Variants in ARID3A observed in about 807,000 individuals in gnomAD.
The protein encoded by ARID3A is AT-rich interactive domain-containing protein 3A.
Under a neutral mutation model 52.7 loss-of-function variants are expected in ARID3A, and 11 were observed. The ratio of observed to expected loss-of-function variants is 0.21; its 90% confidence interval spans 0.13 to 0.35. ARID3A has a LOEUF of 0.35. Among genes scored for constraint, ARID3A ranks in the 10% least tolerant of loss-of-function variants. The pLI is 1.00. For synonymous variants in ARID3A, 404 were observed against 359.4 expected, an observed-to-expected ratio of 1.12 and a Z score of -1.40; for missense variants, 721 against 838.5, an observed-to-expected ratio of 0.86 and a Z score of 1.73.
intron 4 of ARID3A, among the ~76,000 whole-genome samples, chr19:962,391 C>T (rs1267037192): frequency 1.3e-5 from 2 of 152,184 alleles, no homozygotes; most frequent in African/African-American, 2.4e-5. Context: ...CCTCCCCACC[C>T]TTCCTTATCT....
chr19:939,877 G>C (rs1411174500), intron 3 of ARID3A, among the ~76,000 whole-genome samples: 1 of 152,156 alleles, frequency 6.6e-6, no homozygotes, highest in Non-Finnish European at 1.5e-5. Flanking sequence ...AGGGCTCTGG[G>C]AGAATCGGCA....
intron 3 of ARID3A, among the ~76,000 whole-genome samples, chr19:933,856 G>GGGT (rs552866357): frequency 6.3e-4 from 90 of 143,216 alleles, no homozygotes; most frequent in Admixed American, 1.8e-3. Context: ...TGGGGGGGGG[G>GGGT]GGCGTCTCGC....
intron 2 of ARID3A, among the ~76,000 whole-genome samples, chr19:930,700 G>A (rs564814035): frequency 1.5e-4 from 23 of 150,652 alleles, no homozygotes; most frequent in South Asian, 6.3e-4. Flanking sequence ...TAGTAGAGAC[G>A]GGGTTTCACC....
At chr19:940,977 G>A (rs1489254461) in intron 3 of ARID3A, among the ~76,000 whole-genome samples, 1 of 152,128 alleles carries the variant, frequency 6.6e-6, no homozygotes, top group African/African-American at 2.4e-5. Context: ...CGTGCCAGGA[G>A]CGTCGCTGAC....
In ARID3A at chr19:938,850, T is replaced by G. The variant is rs558772506; in HGVS notation, c.693+6108T>G. The stretch of plus-strand genomic sequence containing the variant: ...CCCAGCAAGAAACGGGCATCCGGTT[T>G]TTGGTCTTTTTTTGGTCTTTTCAGC... On this transcript the variant is annotated intron_variant, in intron 3 of 8. Coordinates refer to ENST00000263620, the MANE Select transcript of ARID3A (RefSeq NM_005224.3). The surrounding 1 kb of genome is among the most constrained non-coding windows in gnomAD (Gnocchi z 4.0). Among the ~76,000 whole-genome samples the G allele has an allele frequency of 1.3e-5, 2 of 152,114 alleles. No homozygotes were observed. Among genetic ancestry groups the G allele is most frequent in the Non-Finnish European group, 2.9e-5 (2 of 67,992 alleles).
chr19:934,593 T>C (rs987018809), intron 3 of ARID3A, among the ~76,000 whole-genome samples: 2 of 152,158 alleles, frequency 1.3e-5, no homozygotes, highest in African/African-American at 4.8e-5. Flanking sequence ...GCCCCGCACC[T>C]GCCCCCTGGG....
chr19:965,991 CAAAAAAAAA>C (rs35807859), intron 6 of ARID3A, among the ~76,000 whole-genome samples: 5 of 106,584 alleles, frequency 4.7e-5, no homozygotes, highest in African/African-American at 1.8e-4. Context: ...GACTCCGTGT[CAAAAAAAAA>C]AAAAAAAAAA....
chr19:931,453 A>T (rs1488716876), intron 2 of ARID3A, among the ~76,000 whole-genome samples: 2 of 134,810 alleles, frequency 1.5e-5, no homozygotes, highest in Admixed American at 1.5e-4. Context: ...CTGTGTCTCA[A>T]AAAAAAAAAA....
Position 974,072 on chromosome 19 carries a change from T to TG in ARID3A, c.*2009dup, listed in dbSNP as rs2038334474. The TG allele has an allele frequency of 4.4e-6, 1 of 226,642 alleles. No homozygotes were observed. Among genetic ancestry groups the TG allele is most frequent in the African/African-American group, 2.2e-5 (1 of 44,916 alleles). The allele number at this position is 226,642 out of a possible 1,614,324, so 14.0% of individuals were successfully genotyped here. A position where few individuals can be genotyped will look rare whatever the true frequency, so the allele number is the denominator to read the frequency against. On this transcript the variant is annotated 3_prime_UTR_variant, in exon 9 of 9. Transcript: ENST00000263620. ...CTGTTAGGCCACCGGCATGGGGGCT[T>TG]GGTGAGGAAGGGGACTCCCCAGCTC...
chr19:962,664 G>A (rs915114812), intron 4 of ARID3A, among the ~76,000 whole-genome samples: 2 of 151,968 alleles, frequency 1.3e-5, no homozygotes, highest in Non-Finnish European at 1.5e-5. Context: ...ACAGGCGCCC[G>A]CCACCACGCC....
chr19:964,688 G>T lies in ARID3A; in HGVS notation c.951-145G>T. 1 of 1,377,154 alleles carries T rather than the reference G, an allele frequency of 7.3e-7. No homozygotes were observed. 85.3% of individuals were successfully genotyped at this position (1,377,154 alleles called of 1,614,324 possible). ...ATTGAGATGGAGGGAATGGGCAAAGGCCCAGCAGCTCTGGGGGCTGCTGAG... is the reference window on the plus strand; with the variant it reads ...ATTGAGATGGAGGGAATGGGCAAAGTCCCAGCAGCTCTGGGGGCTGCTGAG... On this transcript the variant is annotated intron_variant, in intron 5 of 8. Coordinates refer to ENST00000263620, the MANE Select transcript of ARID3A (RefSeq NM_005224.3). This position sits in a 1 kb window ranked among gnomAD's most constrained non-coding sequence, Gnocchi z 5.7.
At chr19:932,788 G>A (rs1301626266) in intron 3 of ARID3A, 46 bp downstream of exon 3, 2 of 1,543,938 alleles carry the variant, frequency 1.3e-6, no homozygotes, top group East Asian at 4.9e-5. Context: ...CTGCTCCTGG[G>A]CCAGTGGGGC....
chr19:943,919 C>T (rs370634886), intron 3 of ARID3A, among the ~76,000 whole-genome samples: 212 of 150,780 alleles, frequency 1.4e-3, no homozygotes, highest in African/African-American at 4.9e-3. Flanking sequence ...TGGGCACTTA[C>T]GGGGCACCTG....
intron 1 of ARID3A, among the ~76,000 whole-genome samples, chr19:927,652 C>A (rs2037229688): frequency 6.6e-6 from 1 of 150,604 alleles, no homozygotes; most frequent in Non-Finnish European, 1.5e-5. Context: ...CCCGACCAGA[C>A]CCTGAGTCAG....
Position 941,597 on chromosome 19 carries a change from G to T in ARID3A, c.693+8855G>T, listed in dbSNP as rs141568015. On this transcript the variant is annotated intron_variant, in intron 3 of 8. Coordinates refer to ENST00000263620, the MANE Select transcript of ARID3A (RefSeq NM_005224.3). This position sits in a 1 kb window ranked among gnomAD's most constrained non-coding sequence, Gnocchi z 6.9. ...GTCCTTTGTGAATGTCTATGTTGGG[G>T]TGATGATCTCCTGTGTGTGCATTTT... Among the ~76,000 whole-genome samples the T allele has an allele frequency of 6.6e-6, 1 of 152,242 alleles. No individual in the cohort carries two copies. Among genetic ancestry groups the T allele is most frequent in the Admixed American group, 6.5e-5 (1 of 15,292 alleles).
At chr19:933,937 G>A (rs943309541) in intron 3 of ARID3A, among the ~76,000 whole-genome samples, 8 of 151,320 alleles carry the variant, frequency 5.3e-5, no homozygotes, top group South Asian at 2.1e-4. Context: ...CCACACTGCC[G>A]CGCGTCCCAT....
intron 1 of ARID3A, chr19:928,318 TA>T: frequency 6.6e-6 from 1 of 152,110 alleles, no homozygotes; most frequent in East Asian, 1.9e-4. Flanking sequence ...TGGCCTGGGC[TA>T]GGGGGTGGCT....
intron 3 of ARID3A, among the ~76,000 whole-genome samples, chr19:935,112 C>A (rs1487123190): frequency 6.6e-6 from 1 of 152,212 alleles, no homozygotes; most frequent in Non-Finnish European, 1.5e-5. Flanking sequence ...ACGTGGCAGG[C>A]CTGGCCCGCT....
intron 3 of ARID3A, among the ~76,000 whole-genome samples, chr19:933,362 G>A (rs1419447956): frequency 6.6e-6 from 1 of 152,182 alleles, no homozygotes; most frequent in Non-Finnish European, 1.5e-5. Flanking sequence ...CCCCGCAGGC[G>A]GCCAGGCCAG....
Sources: gnomAD v4.1 joint callset for allele counts (sites outside exome capture counted in the v4.1 genomes callset) on GRCh38, gnomAD v4.1.1 for gene constraint, Gnocchi (gnomAD v3.1) non-coding constraint, MANE v1.5 for transcripts, NCBI Gene and HGNC (gene_info 2026-07-23, HGNC 2026-07-21) for gene names.